Variants in GRK5 observed in about 807,000 individuals in gnomAD.
GRK5 encodes the protein g protein-coupled receptor kinase GRK5.
Under a neutral mutation model 78.4 loss-of-function variants are expected in GRK5, and 40 were observed. That is an observed-to-expected ratio of 0.51 (90% CI 0.40 to 0.66). The LOEUF (loss-of-function observed/expected upper bound fraction) is 0.66. GRK5 is among the 30% of genes least tolerant of loss of function. The pLI is 0.00. For synonymous variants in GRK5, 289 were observed against 296.8 expected, an observed-to-expected ratio of 0.97 and a Z score of 0.27; for missense variants, 598 against 759.9, an observed-to-expected ratio of 0.79 and a Z score of 2.50.
At chr10:119,437,356 A>T (rs1247116704) in intron 9 of GRK5, among the ~76,000 whole-genome samples, 1 of 152,104 alleles carries the variant, frequency 6.6e-6, no homozygotes, top group African/African-American at 2.4e-5. Context: ...GGACCTGGAC[A>T]TTGTAGGGCC....
chr10:119,266,183 C>T lies in GRK5; in HGVS notation c.52+58214C>T, dbSNP rs372941739. 3.9e-5 allele frequency among the ~76,000 whole-genome samples: 6 copies of T among 152,128 alleles called. No individual in the cohort carries two copies. The South Asian group carries it at 6.2e-4, about 16-fold the overall frequency. On this transcript the variant is annotated intron_variant, in intron 1 of 15. Transcript: ENST00000392870. Reference sequence around the variant, plus strand: ...AGGAACGATGCTGGCTGGATGGGCGCGAAGGCTCACACCTGTAATCGCAGC... The same window carrying T: ...AGGAACGATGCTGGCTGGATGGGCGTGAAGGCTCACACCTGTAATCGCAGC...
intron 2 of GRK5, among the ~76,000 whole-genome samples, chr10:119,332,615 C>T (rs1425421928): frequency 1.3e-5 from 2 of 152,182 alleles, no homozygotes. Context: ...TTTCTCCACC[C>T]CAGTCCATGG....
chr10:119,442,925 A>T (rs549015426), intron 11 of GRK5, among the ~76,000 whole-genome samples: 27 of 152,244 alleles, frequency 1.8e-4, no homozygotes, highest in South Asian at 1.4e-3. Context: ...TGGATGATGG[A>T]TGATGGATGG....
chr10:119,346,937 G>T (rs140527367), intron 2 of GRK5, among the ~76,000 whole-genome samples: 2 of 152,166 alleles, frequency 1.3e-5, no homozygotes, highest in Non-Finnish European at 2.9e-5. Context: ...AGGAACTGAC[G>T]GAAGTAAGTC....
intron 1 of GRK5, among the ~76,000 whole-genome samples, chr10:119,290,459 G>C (rs1031605179): frequency 2.7e-5 from 4 of 149,992 alleles, no homozygotes; most frequent in African/African-American, 9.8e-5. Context: ...TCGGACTTTT[G>C]CAATAGCCCC....
intron 1 of GRK5, among the ~76,000 whole-genome samples, chr10:119,239,531 A>G (rs1213190817): frequency 6.6e-6 from 1 of 151,984 alleles, no homozygotes; most frequent in Non-Finnish European, 1.5e-5. Flanking sequence ...CCACTGCACT[A>G]GGCCTGGTTT....
chr10:119,307,983 G>A (rs1016143255), intron 1 of GRK5, among the ~76,000 whole-genome samples: 12 of 152,110 alleles, frequency 7.9e-5, no homozygotes, highest in Admixed American at 2.6e-4. Context: ...GGGGAACCTG[G>A]GGCCCCAGCC....
In GRK5 at chr10:119,412,296, C is replaced by G. The variant is rs1852362416; in HGVS notation, c.340-10870C>G. ...CCCACAGGCTGCCGGTCCGGTGTGTCTCTGCCTGGCAGGGCTGTGCCTGGC... is the reference window on the plus strand; with the variant it reads ...CCCACAGGCTGCCGGTCCGGTGTGTGTCTGCCTGGCAGGGCTGTGCCTGGC... On this transcript the variant is annotated intron_variant, in intron 4 of 15. Coordinates refer to ENST00000392870, the MANE Select transcript of GRK5 (RefSeq NM_005308.3). This position sits in a 1 kb window ranked among gnomAD's most constrained non-coding sequence, Gnocchi z 4.3. Among the ~76,000 whole-genome samples the G allele has an allele frequency of 6.6e-6, 1 of 152,212 alleles. No homozygotes were observed. Among genetic ancestry groups the G allele is most frequent in the Non-Finnish European group, 1.5e-5 (1 of 68,030 alleles).
intron 2 of GRK5, among the ~76,000 whole-genome samples, chr10:119,355,068 G>A (rs35364058): frequency 0.073 from 11,028 of 152,078 alleles, 651 homozygotes; most frequent in African/African-American, 0.15. Flanking sequence ...CTAATACCTA[G>A]TTCAATGTAA....
chr10:119,442,145 C>A, intron 11 of GRK5, 57 bp downstream of exon 11: 1 of 1,423,218 alleles, frequency 7.0e-7, no homozygotes. Flanking sequence ...TGCTCACCGC[C>A]GGCCGAGCCC....
intron 2 of GRK5, 29 bp from the exon 3 acceptor site, chr10:119,380,786 T>C: frequency 7.0e-7 from 1 of 1,421,044 alleles, no homozygotes; most frequent in Non-Finnish European, 9.9e-7. Context: ...CTCCTGGGTC[T>C]CATCACATTC....
intron 2 of GRK5, among the ~76,000 whole-genome samples, chr10:119,352,186 C>T (rs906356845): frequency 6.6e-6 from 1 of 152,146 alleles, no homozygotes; most frequent in Non-Finnish European, 1.5e-5. Flanking sequence ...TTAGGCCATG[C>T]GTTGGCTCTT....
intron 13 of GRK5, 34 bp downstream of exon 13, chr10:119,448,294 T>C: frequency 6.4e-7 from 1 of 1,568,494 alleles, no homozygotes; most frequent in Non-Finnish European, 8.6e-7. Context: ...AGCAGCTCCC[T>C]TCACAGGGTA....
chr10:119,346,769 C>T (rs1045408948), intron 2 of GRK5, among the ~76,000 whole-genome samples: 24 of 152,134 alleles, frequency 1.6e-4, no homozygotes, highest in Admixed American at 7.2e-4. Context: ...CCCCAGGCTC[C>T]GGCAGAGGCA....
At chr10:119,287,821 T>A (rs1166331460) in intron 1 of GRK5, among the ~76,000 whole-genome samples, 1 of 152,170 alleles carries the variant, frequency 6.6e-6, no homozygotes, top group East Asian at 1.9e-4. Context: ...GCTGGCACAG[T>A]CATCTCCCCC....
intron 1 of GRK5, among the ~76,000 whole-genome samples, chr10:119,234,814 T>C (rs1848893516): frequency 6.6e-6 from 1 of 150,698 alleles, no homozygotes; most frequent in Middle Eastern, 3.4e-3. Flanking sequence ...TGCCTCAGCC[T>C]CCCGAATACC....
intron 4 of GRK5, among the ~76,000 whole-genome samples, chr10:119,417,322 C>T (rs1335856335): frequency 2.6e-5 from 4 of 152,220 alleles, no homozygotes; most frequent in Non-Finnish European, 5.9e-5. Context: ...TCCTCCCCAG[C>T]CTGCCTCAGT....
chr10:119,367,011 A>T (rs1340910665), intron 2 of GRK5, among the ~76,000 whole-genome samples: 1 of 152,140 alleles, frequency 6.6e-6, no homozygotes, highest in Admixed American at 6.5e-5. Context: ...GGCTGTTGTG[A>T]GGATTGCATG....
At chr10:119,451,186 C>G (rs913706938) in intron 13 of GRK5, among the ~76,000 whole-genome samples, 1 of 150,876 alleles carries the variant, frequency 6.6e-6, no homozygotes, top group Non-Finnish European at 1.5e-5. Flanking sequence ...GGGGCTGCTG[C>G]CACATTCCTA....
Sources: allele counts gnomAD v4.1 joint callset (sites outside exome capture counted in the v4.1 genomes callset), GRCh38; gene constraint gnomAD v4.1.1; non-coding constraint Gnocchi (gnomAD v3.1); transcripts MANE v1.5; gene names NCBI Gene and HGNC (gene_info 2026-07-23, HGNC 2026-07-21).